Variants in ZPLD1 observed in about 807,000 individuals in gnomAD.
ZPLD1 encodes zona pellucida like domain containing 1, also known as zona pellucida-like domain-containing protein 1.
ZPLD1 carries 34 observed loss-of-function variants against 47.2 expected under a neutral mutation model. The observed-to-expected ratio is 0.72, with a 90% CI of 0.55 to 0.96. The LOEUF is 0.96. Among genes scored for constraint, ZPLD1 ranks in the 40% least tolerant of loss-of-function variants. The pLI is 0.00. For missense variants in ZPLD1, 512 were observed against 505.8 expected, an observed-to-expected ratio of 1.01 and a Z score of -0.12; for synonymous variants, 176 against 186.2, an observed-to-expected ratio of 0.95 and a Z score of 0.45.
chr3:102,467,827 A>G (rs1407525289), intron 8 of ZPLD1, among the ~76,000 whole-genome samples: 1 of 141,308 alleles, frequency 7.1e-6, no homozygotes, highest in Admixed American at 7.2e-5. Context: ...CTACGTAAGA[A>G]TAAAACTGTA....
chr3:102,428,430 G>T (rs1216914402), intron 8 of ZPLD1, among the ~76,000 whole-genome samples: 1 of 151,920 alleles, frequency 6.6e-6, no homozygotes, highest in Admixed American at 6.6e-5. Flanking sequence ...AAATAGCTAG[G>T]CTCAAATCTA....
chr3:102,395,937 A>G (rs1354256695), intron 7 of ZPLD1, among the ~76,000 whole-genome samples: 1 of 152,150 alleles, frequency 6.6e-6, no homozygotes, highest in Non-Finnish European at 1.5e-5. Flanking sequence ...GGCTATTAGA[A>G]ATTATGTATT....
At position 102,477,100 on chromosome 3, in the gene ZPLD1, C is replaced by T. The variant is rs551409384; in HGVS notation, c.1072+59C>T. The T allele has an allele frequency of 9.6e-6, 15 of 1,565,276 alleles. No homozygotes were observed. The South Asian group carries it at 1.7e-4, about 17-fold the overall frequency. On this transcript the variant is annotated intron_variant, in intron 11 of 11. Coordinates refer to ENST00000466937, the MANE Select transcript of ZPLD1 (RefSeq NM_001329788.2). ...ACATTTTTGGTGATCAGTTACAAAG[C>T]TGTAATCATCTAAGTGTAATGAGCT...
chr3:102,477,316 C>A, intron 11 of ZPLD1, 127 bp from the exon 12 acceptor site: 1 of 1,076,700 alleles, frequency 9.3e-7, no homozygotes, highest in Non-Finnish European at 1.4e-6. Context: ...TAGATTGTAA[C>A]ACAATTCAGT....
intron 1 of ZPLD1, 45 bp from the exon 2 acceptor site, chr3:102,436,815 C>G: frequency 1.1e-6 from 1 of 897,960 alleles, no homozygotes; most frequent in Non-Finnish European, 1.3e-6. Flanking sequence ...TTCAGAACCA[C>G]AAAATAACTC....
At chr3:102,420,648 A>G (rs1051758399) in intron 8 of ZPLD1, among the ~76,000 whole-genome samples, 1 of 151,816 alleles carries the variant, frequency 6.6e-6, no homozygotes, top group Non-Finnish European at 1.5e-5. Flanking sequence ...TATTTTTAGC[A>G]CGTGGACCAT....
chr3:102,403,454 A>G (rs1706647095), intron 7 of ZPLD1, among the ~76,000 whole-genome samples: 1 of 152,014 alleles, frequency 6.6e-6, no homozygotes, highest in Non-Finnish European at 1.5e-5. Flanking sequence ...TGGAGAAAGA[A>G]TCAGTGGAAG....
At chr3:102,462,604 G>T (rs975674317) in intron 7 of ZPLD1, among the ~76,000 whole-genome samples, 2 of 151,862 alleles carry the variant, frequency 1.3e-5, no homozygotes, top group African/African-American at 4.8e-5. Flanking sequence ...TAAAGAAGGG[G>T]GGTGGTTCTT....
chr3:102,444,676 G>A (rs1365527408), intron 3 of ZPLD1, among the ~76,000 whole-genome samples: 4 of 152,032 alleles, frequency 2.6e-5, no homozygotes, highest in African/African-American at 9.7e-5. Flanking sequence ...ATTAGTATTG[G>A]AATATTTATC....
upstream of ZPLD1, among the ~76,000 whole-genome samples, chr3:102,430,912 A>G (rs1707008655): frequency 6.6e-6 from 1 of 152,220 alleles, no homozygotes; most frequent in Admixed American, 6.5e-5. Flanking sequence ...TTAATTTGTT[A>G]TGATTACACT....
chr3:102,399,285 T>A (rs553977738), intron 7 of ZPLD1, among the ~76,000 whole-genome samples: 1 of 152,258 alleles, frequency 6.6e-6, no homozygotes, highest in Admixed American at 6.5e-5. Flanking sequence ...TAGGTTACAA[T>A]GTCATTCTTT....
chr3:102,428,249 A>G (rs941766517), intron 8 of ZPLD1, among the ~76,000 whole-genome samples: 1 of 152,204 alleles, frequency 6.6e-6, no homozygotes, highest in Non-Finnish European at 1.5e-5. Context: ...CAGTGTGAGC[A>G]TCTCACCTTG....
intron 7 of ZPLD1, among the ~76,000 whole-genome samples, chr3:102,407,575 T>C (rs903378042): frequency 8.0e-5 from 12 of 150,684 alleles, no homozygotes; most frequent in Non-Finnish European, 4.4e-5. Flanking sequence ...TTCATTTCAA[T>C]GATTGATTAA....
At chr3:102,396,584 A>G (rs886231744) in intron 7 of ZPLD1, among the ~76,000 whole-genome samples, 2 of 152,116 alleles carry the variant, frequency 1.3e-5, no homozygotes, top group African/African-American at 2.4e-5. Context: ...GAGATGTGGT[A>G]ATACTGTGAA....
chr3:102,474,258 A>G (rs1346109181), intron 10 of ZPLD1, among the ~76,000 whole-genome samples: 2 of 152,216 alleles, frequency 1.3e-5, no homozygotes, highest in South Asian at 2.1e-4. Flanking sequence ...AATTCTGGAA[A>G]TCTAAAGGCA....
intron 3 of ZPLD1, among the ~76,000 whole-genome samples, chr3:102,446,463 T>A (rs1386654342): frequency 6.6e-6 from 1 of 152,238 alleles, no homozygotes; most frequent in Non-Finnish European, 1.5e-5. Context: ...TTGTATTTCT[T>A]GTTTTCTGTC....
chr3:102,465,819 G>A (rs2107350057), intron 8 of ZPLD1, among the ~76,000 whole-genome samples: 1 of 152,208 alleles, frequency 6.6e-6, no homozygotes, highest in East Asian at 1.9e-4. Context: ...TGCTAGTGTT[G>A]GTGAAAACAG....
At position 102,465,953 on chromosome 3, in the gene ZPLD1, A is replaced by C. The variant is rs532223966; in HGVS notation, c.761+1702A>C. 1.1e-4 allele frequency among the ~76,000 whole-genome samples: 16 copies of C among 152,258 alleles called. No homozygotes were observed. The East Asian group carries it at 2.5e-3, about 24-fold the overall frequency. ...CTCCCAGAAGCAGCTGGAGAAATAC[A>C]CACCTAGAAGGAAAGGGCACTACTT... On this transcript the variant is annotated intron_variant, in intron 8 of 11. Transcript: ENST00000466937.
intron 7 of ZPLD1, among the ~76,000 whole-genome samples, chr3:102,392,439 T>C (rs1001137182): frequency 3.3e-5 from 5 of 152,120 alleles, no homozygotes; most frequent in Admixed American, 2.0e-4. Context: ...GAACCCTCTA[T>C]AGAGTTCCAA....
Sources: allele counts gnomAD v4.1 joint callset (sites outside exome capture counted in the v4.1 genomes callset), GRCh38; gene constraint gnomAD v4.1.1; transcripts MANE v1.5; gene names NCBI Gene and HGNC (gene_info 2026-07-23, HGNC 2026-07-21).